RHBDL3: variants seen among roughly 807,000 people sequenced by gnomAD.
The protein encoded by RHBDL3 is rhomboid like 3, also known as rhomboid-related protein 3.
A neutral mutation model predicts 48.2 loss-of-function variants in RHBDL3; 28 were observed. That is an observed-to-expected ratio of 0.58 (90% CI 0.43 to 0.80). The LOEUF is 0.80. RHBDL3 is among the 30% of genes least tolerant of loss of function. The pLI, the probability that RHBDL3 is intolerant of heterozygous loss-of-function variation, is 0.00. For missense variants in RHBDL3, 464 were observed against 542.7 expected (o/e 0.85, Z 1.44); for synonymous variants, 208 against 232.3 (o/e 0.90, Z 0.95).
chr17:32,314,460 G>A (rs1242058735), intron 7 of RHBDL3, among the ~76,000 whole-genome samples: 1 of 152,140 alleles, frequency 6.6e-6, no homozygotes, highest in African/African-American at 2.4e-5. Flanking sequence ...TGGGATTACA[G>A]GCATGAGCCA....
In RHBDL3 at chr17:32,321,823, C is replaced by A; in HGVS notation, c.*594C>A. 5.5e-6 allele frequency: 1 copy of A among 183,184 alleles called. No individual in the cohort carries two copies. The highest frequency in any genetic ancestry group is 1.2e-5 in the Non-Finnish European group (1 of 85,440). The allele number at this position is 183,184 out of a possible 1,614,324, so 11.3% of individuals were successfully genotyped here. A position where few individuals can be genotyped will look rare whatever the true frequency, so the allele number is the denominator to read the frequency against. On this transcript the variant is annotated 3_prime_UTR_variant, in exon 9 of 9. Transcript: ENST00000269051. ...TGCACCGGGGCATGATCTGTTGTGCCTGGGTTGGGCAGAGCAGGGAGCCTG... is the reference window on the plus strand; with the variant it reads ...TGCACCGGGGCATGATCTGTTGTGCATGGGTTGGGCAGAGCAGGGAGCCTG...
intron 3 of RHBDL3, among the ~76,000 whole-genome samples, chr17:32,285,701 G>C (rs1229503976): frequency 6.6e-6 from 1 of 152,180 alleles, no homozygotes; most frequent in Non-Finnish European, 1.5e-5. Flanking sequence ...CAAAGTTTTT[G>C]CTGGGTTTTC....
intron 5 of RHBDL3, 49 bp downstream of exon 5, chr17:32,294,491 A>C (rs1013965515): frequency 6.5e-7 from 1 of 1,548,822 alleles, no homozygotes; most frequent in Non-Finnish European, 8.8e-7. Flanking sequence ...ACAGAAAAAT[A>C]AGTGGTCAAG....
intron 2 of RHBDL3, among the ~76,000 whole-genome samples, chr17:32,278,424 G>A (rs920031833): frequency 1.3e-5 from 2 of 152,202 alleles, no homozygotes; most frequent in African/African-American, 2.4e-5. Context: ...TCTTGACCGC[G>A]AACTCACTCT....
At position 32,298,199 on chromosome 17, in the gene RHBDL3, TGGCAGGTA is replaced by T; in HGVS notation, c.781+7_781+14del. 7 of 1,610,566 alleles carry T rather than the reference TGGCAGGTA, an allele frequency of 4.3e-6. No individual in the cohort carries two copies. The highest frequency in any genetic ancestry group is 5.1e-6 in the Non-Finnish European group (6 of 1,176,938). Reference sequence around the variant, plus strand: ...GGGCTTGTCTACGTGGCCGGTGTTGTGGCAGGTAGGCAGGTAGGCCCCGTGTCCACAAA... The same window carrying T: ...GGGCTTGTCTACGTGGCCGGTGTTGTGGCAGGTAGGCCCCGTGTCCACAAA... On this transcript the variant is annotated splice_donor_variant and splice_donor_region_variant and coding_sequence_variant and intron_variant, in exon 6 of 9. Transcript: ENST00000269051. LOFTEE classifies it high-confidence loss of function.
chr17:32,297,388 G>A (rs2150729490), intron 5 of RHBDL3, among the ~76,000 whole-genome samples: 1 of 152,300 alleles, frequency 6.6e-6, no homozygotes, highest in Non-Finnish European at 1.5e-5. Flanking sequence ...CTTGAACCCA[G>A]GAGGCAGAGG....
intron 2 of RHBDL3, among the ~76,000 whole-genome samples, chr17:32,274,874 A>G (rs1221767731): frequency 3.3e-5 from 5 of 151,488 alleles, no homozygotes; most frequent in African/African-American, 4.9e-5. Context: ...AAGAGTGTGC[A>G]TGTGTGTGTG....
In RHBDL3 at chr17:32,321,581, C is replaced by A. The variant is rs1200862032; in HGVS notation, c.*352C>A. ...ACTGCTGCGGATTGAGCAGCAGCTT[C>A]TTCCTCCTCCTCTACCCTCAGAGAC... On this transcript the variant is annotated 3_prime_UTR_variant, in exon 9 of 9. Transcript: ENST00000269051. The A allele has an allele frequency of 7.0e-6, 3 of 425,664 alleles. No individual in the cohort carries two copies. The highest frequency in any genetic ancestry group is 1.3e-5 in the Non-Finnish European group (3 of 227,480). 26.4% of individuals were successfully genotyped at this position (425,664 alleles called of 1,614,324 possible). A position where few individuals can be genotyped will look rare whatever the true frequency, so the allele number is the denominator to read the frequency against.
intron 7 of RHBDL3, among the ~76,000 whole-genome samples, chr17:32,309,206 GT>G (rs2040782333): frequency 6.6e-6 from 1 of 151,764 alleles, no homozygotes; most frequent in Non-Finnish European, 1.5e-5. Flanking sequence ...GTGTGTGTGT[GT>G]GTGTGTGTGA....
At chr17:32,274,714 A>G (rs919331507) in intron 2 of RHBDL3, among the ~76,000 whole-genome samples, 1 of 152,200 alleles carries the variant, frequency 6.6e-6, no homozygotes, top group Non-Finnish European at 1.5e-5. Flanking sequence ...ATTTAAAATA[A>G]AAAGGGAAAG....
At chr17:32,306,875 T>G (rs1279252122) in intron 7 of RHBDL3, among the ~76,000 whole-genome samples, 1 of 151,804 alleles carries the variant, frequency 6.6e-6, no homozygotes, top group East Asian at 1.9e-4. Context: ...GAGCAGAGAT[T>G]GCACCACTGC....
Position 32,298,199 on chromosome 17 carries a change from T to TGGCAGGTA in RHBDL3, c.781+7_781+14dup. ...GGGCTTGTCTACGTGGCCGGTGTTG[T>TGGCAGGTA]GGCAGGTAGGCAGGTAGGCCCCGTG... On this transcript the variant is annotated frameshift_variant, in exon 6 of 9. Transcript: ENST00000269051. LOFTEE classifies it high-confidence loss of function. 8.7e-6 allele frequency: 14 copies of TGGCAGGTA among 1,610,588 alleles called. No homozygotes were observed. In the South Asian group the frequency reaches 1.2e-4, roughly 14 times the overall value.
intron 2 of RHBDL3, among the ~76,000 whole-genome samples, chr17:32,279,931 A>G (rs922785040): frequency 2.6e-5 from 4 of 152,146 alleles, no homozygotes; most frequent in African/African-American, 9.7e-5. Flanking sequence ...CCCTACCTAG[A>G]TGGGCTGAGC....
chr17:32,284,364 T>G, intron 2 of RHBDL3: 1 of 311,260 alleles, frequency 3.2e-6, no homozygotes, highest in South Asian at 5.6e-5. Context: ...CTCATTGCCT[T>G]TTCATTCGCA....
rs765501029 is a variant in RHBDL3, at chr17:32,288,819, C to G, written c.322C>G (p.Arg108Gly). The part of the protein sequence containing the change: ...LMSNKRSNSF[R>G]QAILQGNRRL... The stretch of plus-strand genomic sequence containing the variant: ...GAGCAACAAGCGTTCCAACAGCTTC[C>G]GCCAAGCCATCCTGCAGGGCAACCG... The change falls in exon 4 of 9, where the codon CGC becomes GGC. Residue 108 changes from arginine (R) to glycine (G), a missense_variant. Arg to Gly is a moderately radical substitution (Grantham distance 125). Transcript: ENST00000269051. 4.3e-6 allele frequency: 7 copies of G among 1,613,118 alleles called. No homozygotes were observed. In the East Asian group the frequency reaches 1.6e-4, roughly 36 times the overall value.
chr17:32,278,552 A>T (rs2039967143), intron 2 of RHBDL3, among the ~76,000 whole-genome samples: 1 of 152,196 alleles, frequency 6.6e-6, no homozygotes, highest in African/African-American at 2.4e-5. Context: ...TGGACACATA[A>T]GAGGATTGGA....
At chr17:32,267,430 T>TGGG (rs200339559) in intron 1 of RHBDL3, among the ~76,000 whole-genome samples, 23 of 120,646 alleles carry the variant, frequency 1.9e-4, no homozygotes, top group African/African-American at 7.2e-4. Context: ...TGAGTTCTCC[T>TGGG]GGGGGGGGAG....
intron 2 of RHBDL3, among the ~76,000 whole-genome samples, chr17:32,280,036 G>T (rs1331687432): frequency 1.3e-5 from 2 of 152,158 alleles, no homozygotes; most frequent in African/African-American, 4.8e-5. Context: ...GATTAGGGTC[G>T]GACGCTGGGT....
At chr17:32,320,870 A>G (rs868124251) in intron 8 of RHBDL3, 88 bp from the exon 9 acceptor site, 3 of 787,714 alleles carry the variant, frequency 3.8e-6, no homozygotes, top group Non-Finnish European at 6.4e-6. Flanking sequence ...CTAATAGGGA[A>G]TGAATTCATG....
Sources: allele counts gnomAD v4.1 joint callset (sites outside exome capture counted in the v4.1 genomes callset), GRCh38; gene constraint gnomAD v4.1.1; transcripts MANE v1.5; gene names NCBI Gene and HGNC (gene_info 2026-07-23, HGNC 2026-07-21).